The following GLRA3 variants were observed in gnomAD, a reference collection of about 807,000 sequenced individuals.
The protein encoded by GLRA3 is glycine receptor alpha 3.
A neutral mutation model predicts 60.4 loss-of-function variants in GLRA3; 44 were observed. The ratio of observed to expected loss-of-function variants is 0.73; its 90% CI spans 0.57 to 0.94. The LOEUF (loss-of-function observed/expected upper bound fraction) is 0.94. GLRA3 is among the 40% of genes least tolerant of loss of function. GLRA3 has a pLI of 0.00. For synonymous variants in GLRA3, 223 were observed against 192.9 expected, an observed-to-expected ratio of 1.16 and a Z score of -1.29; for missense variants, 508 against 564.6, an observed-to-expected ratio of 0.90 and a Z score of 1.02.
chr4:174,786,032 G>A (rs1387413049), intron 2 of GLRA3, among the ~76,000 whole-genome samples: 1 of 144,764 alleles, frequency 6.9e-6, no homozygotes, highest in Non-Finnish European at 1.5e-5. Context: ...GCCTCCCAAA[G>A]TGCTGGGATT....
intron 6 of GLRA3, among the ~76,000 whole-genome samples, chr4:174,677,605 C>T (rs1424611520): frequency 6.6e-6 from 1 of 151,932 alleles, no homozygotes; most frequent in Non-Finnish European, 1.5e-5. Context: ...GGTAATCTGC[C>T]CACCTCAGCC....
chr4:174,719,376 G>T (rs1158788234), intron 4 of GLRA3, among the ~76,000 whole-genome samples: 3 of 152,026 alleles, frequency 2.0e-5, no homozygotes, highest in East Asian at 3.9e-4. Flanking sequence ...TATAATACAA[G>T]AAATGATATA....
intron 4 of GLRA3, among the ~76,000 whole-genome samples, chr4:174,724,108 A>C (rs1736229608): frequency 6.6e-6 from 1 of 151,444 alleles, no homozygotes; most frequent in Admixed American, 6.6e-5. Context: ...AATATACAAA[A>C]CATTTTTCTT....
intron 3 of GLRA3, among the ~76,000 whole-genome samples, chr4:174,742,174 G>A (rs1233280378): frequency 6.6e-6 from 1 of 152,128 alleles, no homozygotes; most frequent in Middle Eastern, 3.2e-3. Context: ...AAGCTGACAA[G>A]CTAAAATTGA....
At chr4:174,775,698 G>A (rs1447605808) in intron 2 of GLRA3, among the ~76,000 whole-genome samples, 1 of 152,034 alleles carries the variant, frequency 6.6e-6, no homozygotes, top group Non-Finnish European at 1.5e-5. Flanking sequence ...ATGTTTTGTT[G>A]TCTTATAAAC....
intron 6 of GLRA3, among the ~76,000 whole-genome samples, chr4:174,679,679 C>T (rs1035714515): frequency 6.6e-6 from 1 of 152,012 alleles, no homozygotes; most frequent in African/African-American, 2.4e-5. Flanking sequence ...TGTATATACA[C>T]AATGGAATAT....
intron 3 of GLRA3, among the ~76,000 whole-genome samples, chr4:174,731,164 C>T (rs1421384420): frequency 2.0e-5 from 3 of 152,130 alleles, no homozygotes; most frequent in Admixed American, 6.5e-5. Context: ...TTTGGTTTTG[C>T]TTTGCCTGCA....
intron 1 of GLRA3, among the ~76,000 whole-genome samples, chr4:174,819,600 C>G (rs376019862): frequency 6.6e-6 from 1 of 152,108 alleles, no homozygotes; most frequent in Non-Finnish European, 1.5e-5. Flanking sequence ...TGTTTTTTCT[C>G]AATATTTATC....
At chr4:174,818,508 A>T (rs533818181) in intron 1 of GLRA3, among the ~76,000 whole-genome samples, 4 of 152,208 alleles carry the variant, frequency 2.6e-5, no homozygotes, top group Non-Finnish European at 4.4e-5. Flanking sequence ...TCTCCACTAT[A>T]GTCTCAGGAG....
chr4:174,761,909 C>T (rs1390957516), intron 3 of GLRA3, among the ~76,000 whole-genome samples: 1 of 152,010 alleles, frequency 6.6e-6, no homozygotes, highest in Non-Finnish European at 1.5e-5. Context: ...AAAGGAGGCT[C>T]ATTATTTTAT....
intron 3 of GLRA3, among the ~76,000 whole-genome samples, chr4:174,730,677 C>G (rs560093863): frequency 6.6e-6 from 1 of 152,172 alleles, no homozygotes; most frequent in Non-Finnish European, 1.5e-5. Context: ...TCCGGGAACA[C>G]TTTTTGCTCC....
intron 3 of GLRA3, among the ~76,000 whole-genome samples, chr4:174,758,042 T>G (rs184983824): frequency 1.6e-3 from 237 of 152,220 alleles, no homozygotes; most frequent in African/African-American, 5.1e-3. Flanking sequence ...ACTCTCGTCC[T>G]GTAATCTCCT....
chr4:174,763,002 T>C (rs1319382382), intron 3 of GLRA3, among the ~76,000 whole-genome samples: 8 of 152,314 alleles, frequency 5.3e-5, no homozygotes, highest in Admixed American at 4.6e-4. Context: ...AAGTAATTGG[T>C]ACATGTTCTA....
chr4:174,826,646 A>C (rs1740980012), intron 1 of GLRA3, among the ~76,000 whole-genome samples: 1 of 152,196 alleles, frequency 6.6e-6, no homozygotes, highest in South Asian at 2.1e-4. Context: ...TGAATTATTT[A>C]CTTATAAATA....
Position 174,812,002 on chromosome 4 carries a change from G to A in GLRA3, c.71+16739C>T, listed in dbSNP as rs577924073. On this transcript the variant is annotated intron_variant, in intron 1 of 9. Coordinates refer to ENST00000274093, the MANE Select transcript of GLRA3 (RefSeq NM_006529.4). ...CCTAGAACTTTAAAATAAGCACAAA[G>A]CATGTTTAAAATAAAAACACTATAT... 4.0e-3 allele frequency among the ~76,000 whole-genome samples: 610 copies of A among 152,120 alleles called. 7 individuals are homozygous for A. Among genetic ancestry groups the A allele is most frequent in the African/African-American group, 0.014 (581 of 41,502 alleles).
At chr4:174,700,973 TGCTGATGTAGAA>T (rs1434337776) in intron 5 of GLRA3, among the ~76,000 whole-genome samples, 4 of 152,208 alleles carry the variant, frequency 2.6e-5, no homozygotes, top group Admixed American at 6.5e-5. Context: ...AAGCAGAAAG[TGCTGATGTAGAA>T]GCTGCAGCAA....
intron 2 of GLRA3, among the ~76,000 whole-genome samples, chr4:174,779,014 G>A (rs1419935365): frequency 4.6e-5 from 7 of 152,284 alleles, no homozygotes; most frequent in African/African-American, 1.4e-4. Context: ...CACCTCTGGG[G>A]GCAGGGCACA....
At chr4:174,704,285 C>A (rs1384981465) in intron 5 of GLRA3, among the ~76,000 whole-genome samples, 1 of 143,118 alleles carries the variant, frequency 7.0e-6, no homozygotes, top group Admixed American at 7.2e-5. Flanking sequence ...CAGAGTCAGA[C>A]CCTATATACA....
intron 3 of GLRA3, among the ~76,000 whole-genome samples, chr4:174,731,156 T>C (rs1354925735): frequency 6.6e-6 from 1 of 152,226 alleles, no homozygotes; most frequent in Non-Finnish European, 1.5e-5. Flanking sequence ...CTTACAGTTT[T>C]GGTTTTGCTT....
Sources: allele counts gnomAD v4.1 joint callset (sites outside exome capture counted in the v4.1 genomes callset), GRCh38; gene constraint gnomAD v4.1.1; transcripts MANE v1.5; gene names NCBI Gene and HGNC (gene_info 2026-07-23, HGNC 2026-07-21).